Variants in UBE2E2 observed in about 807,000 individuals in gnomAD.
The protein encoded by UBE2E2 is ubiquitin-conjugating enzyme E2 E2.
Under a neutral mutation model 24.7 loss-of-function variants are expected in UBE2E2, and 6 were observed. The ratio of observed to expected loss-of-function variants is 0.24; its 90% confidence interval spans 0.13 to 0.48. The LOEUF is 0.48. Ranked by LOEUF, UBE2E2 falls within the 20% of genes least tolerant of loss-of-function variation. The pLI is 0.99. For synonymous variants in UBE2E2, 104 were observed against 83.6 expected (o/e 1.24, Z -1.33); for missense variants, 169 against 245.0 (o/e 0.69, Z 2.07).
At chr3:23,587,660 A>G (rs184153378) in intron 5 of UBE2E2, among the ~76,000 whole-genome samples, 18 of 152,322 alleles carry the variant, frequency 1.2e-4, no homozygotes, top group South Asian at 6.2e-4. Context: ...TTTGGCCCCT[A>G]TTACTCTAAT....
intron 3 of UBE2E2, among the ~76,000 whole-genome samples, chr3:23,358,908 C>G (rs530804435): frequency 1.3e-5 from 2 of 152,270 alleles, no homozygotes; most frequent in South Asian, 2.1e-4. Context: ...AATTAACATT[C>G]ACATATATCC....
At chr3:23,209,292 G>A (rs562733514) in intron 2 of UBE2E2, among the ~76,000 whole-genome samples, 1 of 152,312 alleles carries the variant, frequency 6.6e-6, no homozygotes, top group East Asian at 1.9e-4. Flanking sequence ...AGTTGGTAAA[G>A]TCAGAAATGC....
At chr3:23,231,428 G>C (rs1207817701) in intron 3 of UBE2E2, among the ~76,000 whole-genome samples, 1 of 152,116 alleles carries the variant, frequency 6.6e-6, no homozygotes, top group Admixed American at 6.5e-5. Context: ...ATTGTGTGTG[G>C]GGTAGAAAAC....
intron 2 of UBE2E2, among the ~76,000 whole-genome samples, chr3:23,212,986 A>G (rs1488891053): frequency 6.6e-6 from 1 of 152,082 alleles, no homozygotes; most frequent in Admixed American, 6.6e-5. Flanking sequence ...AATTAGTTGC[A>G]TGATGCTTTT....
intron 5 of UBE2E2, chr3:23,534,172 T>G: frequency 1.1e-6 from 1 of 926,590 alleles, no homozygotes; most frequent in Non-Finnish European, 1.3e-6. Flanking sequence ...AAGCCTGGCC[T>G]GCTTTGCCTC....
intron 3 of UBE2E2, among the ~76,000 whole-genome samples, chr3:23,361,168 TA>T (rs1420237430): frequency 6.6e-6 from 1 of 152,018 alleles, no homozygotes; most frequent in Non-Finnish European, 1.5e-5. Context: ...AATTTAAAAA[TA>T]AAAAATAATA....
intron 4 of UBE2E2, among the ~76,000 whole-genome samples, chr3:23,519,314 C>T (rs750357500): frequency 2.0e-5 from 3 of 151,524 alleles, no homozygotes; most frequent in Non-Finnish European, 4.4e-5. Flanking sequence ...TTCTATTTTA[C>T]AATCTAATTC....
At chr3:23,557,351 T>TATTC (rs1695815818) in intron 5 of UBE2E2, among the ~76,000 whole-genome samples, 1 of 152,242 alleles carries the variant, frequency 6.6e-6, no homozygotes, top group African/African-American at 2.4e-5. Context: ...CAATCCTTTG[T>TATTC]ATTCATTCAT....
chr3:23,481,500 G>A (rs907911000), intron 3 of UBE2E2, among the ~76,000 whole-genome samples: 2 of 152,152 alleles, frequency 1.3e-5, no homozygotes, highest in Admixed American at 1.3e-4. Context: ...TCTATAAAGA[G>A]TACAATTAGC....
intron 3 of UBE2E2, among the ~76,000 whole-genome samples, chr3:23,219,206 A>G (rs1033358993): frequency 6.6e-6 from 1 of 152,200 alleles, no homozygotes; most frequent in Admixed American, 6.6e-5. Flanking sequence ...GGACTGGGTC[A>G]GGCAGAGAGA....
intron 3 of UBE2E2, among the ~76,000 whole-genome samples, chr3:23,483,049 C>T (rs1288967755): frequency 6.6e-6 from 1 of 152,170 alleles, no homozygotes; most frequent in Non-Finnish European, 1.5e-5. Flanking sequence ...TAATTCTAGT[C>T]AATTCTGGTC....
intron 3 of UBE2E2, among the ~76,000 whole-genome samples, chr3:23,232,536 C>A (rs192530841): frequency 1.4e-3 from 214 of 152,254 alleles, no homozygotes; most frequent in African/African-American, 4.8e-3. Flanking sequence ...CCCCCTCTTT[C>A]TTTTGGTCCT....
intron 3 of UBE2E2, among the ~76,000 whole-genome samples, chr3:23,422,313 C>T (rs1417695007): frequency 6.6e-6 from 1 of 152,016 alleles, no homozygotes; most frequent in Non-Finnish European, 1.5e-5. Context: ...TTAAGTTCTT[C>T]CTGAGAGACA....
At chr3:23,325,294 A>C (rs1694854330) in intron 3 of UBE2E2, among the ~76,000 whole-genome samples, 1 of 152,184 alleles carries the variant, frequency 6.6e-6, no homozygotes, top group South Asian at 2.1e-4. Context: ...TTCATGAAAC[A>C]ATTGAAAAGC....
At chr3:23,304,696 C>T (rs1053788845) in intron 3 of UBE2E2, among the ~76,000 whole-genome samples, 3 of 152,102 alleles carry the variant, frequency 2.0e-5, no homozygotes. Flanking sequence ...CAATAATACA[C>T]CAAAAGTTAA....
intron 3 of UBE2E2, among the ~76,000 whole-genome samples, chr3:23,268,688 A>C (rs1460743756): frequency 6.7e-6 from 1 of 149,862 alleles, no homozygotes; most frequent in Non-Finnish European, 1.5e-5. Context: ...TCTTCACAGA[A>C]TTGGAAAAAA....
At chr3:23,446,090 CAG>C (rs1389126253) in intron 3 of UBE2E2, among the ~76,000 whole-genome samples, 1 of 152,192 alleles carries the variant, frequency 6.6e-6, no homozygotes, top group Non-Finnish European at 1.5e-5. Flanking sequence ...GGACCTGCTA[CAG>C]AGTCTTCTTT....
intron 3 of UBE2E2, among the ~76,000 whole-genome samples, chr3:23,245,191 A>T (rs1371405807): frequency 6.6e-6 from 1 of 152,160 alleles, no homozygotes; most frequent in East Asian, 1.9e-4. Flanking sequence ...TGGGAGGGTC[A>T]TAGGAAAAAA....
chr3:23,502,693 A>C (rs1008591975), intron 4 of UBE2E2, among the ~76,000 whole-genome samples: 1 of 152,210 alleles, frequency 6.6e-6, no homozygotes, highest in African/African-American at 2.4e-5. Context: ...GAGCAAAACA[A>C]TTACTACCTG....
Sources: gnomAD v4.1 joint callset for allele counts (sites outside exome capture counted in the v4.1 genomes callset) on GRCh38, gnomAD v4.1.1 for gene constraint, MANE v1.5 for transcripts, NCBI Gene and HGNC (gene_info 2026-07-23, HGNC 2026-07-21) for gene names.